Variants in RDX observed in about 807,000 individuals in gnomAD.
RDX encodes radixin.
Under a neutral mutation model 83.7 loss-of-function variants are expected in RDX, and 32 were observed. That is an observed-to-expected ratio of 0.38 (90% CI 0.29 to 0.51). The LOEUF (loss-of-function observed/expected upper bound fraction) is 0.51. RDX is among the 20% of genes least tolerant of loss of function. The pLI, the probability that RDX is intolerant of heterozygous loss-of-function variation, is 0.87. For synonymous variants in RDX, 229 were observed against 222.7 expected (o/e 1.03, Z -0.25); for missense variants, 600 against 689.9 (o/e 0.87, Z 1.46).
intron 14 of RDX, among the ~76,000 whole-genome samples, chr11:110,201,037 A>G (rs11213307): frequency 6.6e-6 from 1 of 152,038 alleles, no homozygotes; most frequent in Non-Finnish European, 1.5e-5. Context: ...TTAACCGCGC[A>G]TGGTGGCGCA....
At chr11:110,277,304 CT>C in intron 2 of RDX, among the ~76,000 whole-genome samples, 1 of 151,824 alleles carries the variant, frequency 6.6e-6, no homozygotes, top group East Asian at 1.9e-4. Context: ...TATTACCAGT[CT>C]TTTTTTTGTT....
chr11:110,220,957 TAACC>T (rs1270648078), intron 14 of RDX, among the ~76,000 whole-genome samples: 3 of 150,668 alleles, frequency 2.0e-5, no homozygotes, highest in Admixed American at 1.3e-4. Flanking sequence ...AATTTGGGGA[TAACC>T]ATAGGCTACA....
intron 1 of RDX, among the ~76,000 whole-genome samples, chr11:110,282,796 C>A (rs1468195689): frequency 6.6e-6 from 1 of 152,026 alleles, no homozygotes; most frequent in African/African-American, 2.4e-5. Context: ...CTGGGTAACA[C>A]AGACAGATTG....
chr11:110,258,453 T>A (rs896219016), intron 5 of RDX, among the ~76,000 whole-genome samples: 11 of 152,176 alleles, frequency 7.2e-5, no homozygotes, highest in Non-Finnish European at 1.6e-4. Context: ...GATGTTACCA[T>A]CAGGGAATGC....
At chr11:110,271,550 A>G (rs1860311575) in intron 3 of RDX, among the ~76,000 whole-genome samples, 1 of 152,210 alleles carries the variant, frequency 6.6e-6, no homozygotes, top group Non-Finnish European at 1.5e-5. Context: ...ACATTGCAAT[A>G]CAACATTATC....
At chr11:110,260,961 ACT>A (rs1329857268) in intron 5 of RDX, among the ~76,000 whole-genome samples, 3 of 151,946 alleles carry the variant, frequency 2.0e-5, no homozygotes, top group Admixed American at 1.3e-4. Flanking sequence ...TGGTTGGTTG[ACT>A]CTGTGAATGC....
At chr11:110,274,198 TGAA>T (rs970750168) in intron 2 of RDX, among the ~76,000 whole-genome samples, 4 of 152,158 alleles carry the variant, frequency 2.6e-5, no homozygotes, top group African/African-American at 7.2e-5. Context: ...ATATAAACAA[TGAA>T]GAATAATAAA....
At chr11:110,291,503 T>C (rs1210678187) in intron 1 of RDX, among the ~76,000 whole-genome samples, 3 of 152,154 alleles carry the variant, frequency 2.0e-5, no homozygotes, top group Non-Finnish European at 4.4e-5. Flanking sequence ...TCGAAAGACA[T>C]CTGCTTGGGG....
intron 9 of RDX, 54 bp from the exon 10 acceptor site, chr11:110,247,887 T>C (rs1859175159): frequency 2.6e-6 from 4 of 1,519,040 alleles, no homozygotes; most frequent in South Asian, 1.2e-5. Context: ...ATATTATTCA[T>C]GTGATGGAAT....
intron 15 of RDX, among the ~76,000 whole-genome samples, chr11:110,176,941 CGGCT>C (rs1195989913): frequency 6.6e-6 from 1 of 152,196 alleles, no homozygotes; most frequent in African/African-American, 2.4e-5. Context: ...ATCGCACAGT[CGGCT>C]GGCCTGCAGC....
intron 14 of RDX, among the ~76,000 whole-genome samples, chr11:110,204,514 C>CTTT (rs577737066): frequency 9.3e-5 from 10 of 107,734 alleles, no homozygotes; most frequent in Non-Finnish European, 1.4e-4. Context: ...TTTTTTTTTC[C>CTTT]TTTTTTTTTT....
Position 110,247,724 on chromosome 11 carries a change from G to A in RDX, c.1069C>T (p.Gln357Ter), listed in dbSNP as rs1859165084. 6.2e-7 allele frequency: 1 copy of A among 1,612,106 alleles called. No individual in the cohort carries two copies. Among genetic ancestry groups the A allele is most frequent in the Non-Finnish European group, 8.5e-7 (1 of 1,179,498 alleles). ...TTACCTTTCTGAGCTTTAATTGTCT[G>A]CTCTTCAATTTGTTTTAGACGTTCC... ...LMERLKQIEEQTIKAQKELEE... is the reference protein window; with the variant it reads ...LMERLKQIEE Residue 357 changes from glutamine (Q) to a stop codon, truncating the protein, a stop_gained, in exon 10 of 14, where the codon CAG (glutamine) becomes TAG (stop). Coordinates refer to ENST00000645495, the MANE Select transcript of RDX (RefSeq NM_002906.4). LOFTEE classifies it high-confidence loss of function.
rs190061888 is a variant in RDX, at chr11:110,211,247, A to G, written c.1749-11569T>C. 2.0e-3 allele frequency among the ~76,000 whole-genome samples: 311 copies of G among 152,360 alleles called. 2 individuals are homozygous for G. The highest frequency in any genetic ancestry group is 4.8e-3 in the African/African-American group (200 of 41,578). ...AGATCAAAAGAGACAAGGCCATTACATAATAGTAAAGGGATCAATTCAGCA... is the reference window on the plus strand; with the variant it reads ...AGATCAAAAGAGACAAGGCCATTACGTAATAGTAAAGGGATCAATTCAGCA... On this transcript the variant is annotated intron_variant, in intron 14 of 15. Coordinates refer to the RDX transcript ENST00000528498.
rs920342323 is a variant in RDX at position 110,196,447 on chromosome 11, A to G, written c.*31+3134T>C. Reference sequence around the variant, plus strand: ...CCTGGTTAGAATTACTTTTGGCCTCAAAAGGAGTCTCACATATAGATTTTG... The same window carrying G: ...CCTGGTTAGAATTACTTTTGGCCTCGAAAGGAGTCTCACATATAGATTTTG... On this transcript the variant is annotated intron_variant, in intron 15 of 15. Transcript: ENST00000528498. 3.5e-4 allele frequency among the ~76,000 whole-genome samples: 53 copies of G among 152,354 alleles called. 2 individuals carry two copies. Among genetic ancestry groups the G allele is most frequent in the Admixed American group, 3.1e-3 (47 of 15,312 alleles).
chr11:110,280,139 T>C (rs538769889), intron 1 of RDX, among the ~76,000 whole-genome samples: 5 of 152,206 alleles, frequency 3.3e-5, no homozygotes, highest in Non-Finnish European at 7.3e-5. Flanking sequence ...GGATTCAGAC[T>C]CTGAAGAGCT....
intron 5 of RDX, among the ~76,000 whole-genome samples, chr11:110,260,281 C>T (rs1421288104): frequency 6.6e-6 from 1 of 152,262 alleles, no homozygotes; most frequent in African/African-American, 2.4e-5. Context: ...CCACCACACC[C>T]GGCTGGAAAC....
intron 10 of RDX, 133 bp from the exon 11 acceptor site, chr11:110,237,785 A>G (rs757022395): frequency 1.2e-5 from 12 of 1,007,264 alleles, no homozygotes; most frequent in Non-Finnish European, 1.9e-5. Flanking sequence ...ATACATATAT[A>G]CCTCTTTGTT....
chr11:110,273,566 C>T (rs572366315), intron 2 of RDX, among the ~76,000 whole-genome samples: 7 of 152,284 alleles, frequency 4.6e-5, no homozygotes, highest in African/African-American at 1.7e-4. Context: ...AGGCGTGTGC[C>T]GCCAGGCCTA....
chr11:110,181,113 T>C (rs367625800), intron 15 of RDX, among the ~76,000 whole-genome samples: 20 of 151,442 alleles, frequency 1.3e-4, no homozygotes, highest in African/African-American at 4.8e-4. Flanking sequence ...GCTCAGGTGG[T>C]GGCCAGGACC....
Sources: allele counts gnomAD v4.1 joint callset (sites outside exome capture counted in the v4.1 genomes callset), GRCh38; gene constraint gnomAD v4.1.1; transcripts MANE v1.5; gene names NCBI Gene and HGNC (gene_info 2026-07-23, HGNC 2026-07-21).